USP9X: variants seen among roughly 807,000 people sequenced by gnomAD.
The protein encoded by USP9X is ubiquitin specific peptidase 9 X-linked, also known as ubiquitin carboxyl-terminal hydrolase 9X.
Under a neutral mutation model 190.3 loss-of-function variants are expected in USP9X, and 7 were observed. The ratio of observed to expected loss-of-function variants is 0.04; its 90% confidence interval spans 0.02 to 0.07. The LOEUF (loss-of-function observed/expected upper bound fraction) is 0.07, where lower values mean the gene tolerates loss of function less well. Ranked by LOEUF, USP9X falls within the 10% of genes least tolerant of loss-of-function variation. The pLI, the probability that USP9X is intolerant of heterozygous loss-of-function variation, is 1.00. For synonymous variants in USP9X, 645 were observed against 659.5 expected, an observed-to-expected ratio of 0.98 and a Z score of 0.34; for missense variants, 1,010 against 1,916.9, an observed-to-expected ratio of 0.53 and a Z score of 8.83.
At chrX:41,167,603 TC>T (rs771191711) in intron 17 of USP9X, 26 bp downstream of exon 17, 3 of 1,069,474 alleles carry the variant, frequency 2.8e-6, no homozygotes, top group Admixed American at 2.6e-5. Context: ...CATTAAAACT[TC>T]CATATATAAT....
intron 1 of USP9X, among the ~76,000 whole-genome samples, chrX:41,089,143 G>A (rs2061934380): frequency 8.9e-6 from 1 of 112,281 alleles, no homozygotes; most frequent in African/African-American, 3.2e-5. Context: ...CTTTCAAGTG[G>A]ATAAATAAGA....
intron 43 of USP9X, 135 bp downstream of exon 43, chrX:41,229,914 T>C: frequency 9.3e-7 from 1 of 1,080,644 alleles, no homozygotes; most frequent in Admixed American, 2.9e-5. Flanking sequence ...GAAAAATGTT[T>C]ATTCGGCTGG....
chrX:41,232,219 T>TTTTTTTG (rs1555937299), intron 44 of USP9X, among the ~76,000 whole-genome samples, 168 bp from the exon 45 acceptor site: 1 of 103,029 alleles, frequency 9.7e-6, no homozygotes, highest in Non-Finnish European at 2.0e-5. Flanking sequence ...TTTCAAGCCT[T>TTTTTTTG]TTTTTGTTTT....
chrX:41,221,974 C>G (rs1182709126), intron 38 of USP9X, among the ~76,000 whole-genome samples: 2 of 110,382 alleles, frequency 1.8e-5, no homozygotes, highest in Non-Finnish European at 3.8e-5. Context: ...AGAATGATGC[C>G]CAAAATTCTA....
intron 26 of USP9X, among the ~76,000 whole-genome samples, chrX:41,190,476 C>T (rs1002890107): frequency 9.0e-6 from 1 of 111,065 alleles, no homozygotes; most frequent in African/African-American, 3.3e-5. Flanking sequence ...TCGGGTTGGG[C>T]GTGCTACCTC....
At chrX:41,199,800 T>C (rs1384639499) in intron 30 of USP9X, among the ~76,000 whole-genome samples, 4 of 111,646 alleles carry the variant, frequency 3.6e-5, no homozygotes, top group Admixed American at 1.9e-4. Context: ...CGTAACGTTA[T>C]GAGTTCGAAG....
At chrX:41,108,755 C>T (rs2062087221) in intron 1 of USP9X, among the ~76,000 whole-genome samples, 1 of 111,699 alleles carries the variant, frequency 9.0e-6, no homozygotes, top group Non-Finnish European at 1.9e-5. Context: ...AGAGTGACAC[C>T]TCTGCTTCTT....
intron 32 of USP9X, among the ~76,000 whole-genome samples, chrX:41,208,688 A>G (rs905242269): frequency 3.7e-5 from 4 of 108,199 alleles, no homozygotes; most frequent in African/African-American, 1.4e-4. Context: ...TTTTTTTTTT[A>G]AGTTTTGTTT....
chrX:41,171,395 G>A lies in USP9X; in HGVS notation c.3028-443G>A, dbSNP rs116463359. Among the ~76,000 whole-genome samples, 838 of 112,079 alleles carry A rather than the reference G, an allele frequency of 7.5e-3. 4 individuals are homozygous for A. The highest frequency in any genetic ancestry group is 0.025 in the African/African-American group (769 of 30,856). ...AGGAAAATACCTGTAATCTTTATCA[G>A]ATTGTCAGTAACATATAGCCAAAGA... On this transcript the variant is annotated intron_variant, in intron 20 of 44. Transcript: ENST00000378308.
chrX:41,206,223 A>C (rs141754211), intron 32 of USP9X, among the ~76,000 whole-genome samples: 2,363 of 111,803 alleles, frequency 0.021, 61 homozygotes, highest in African/African-American at 0.071. Context: ...GTTTTGAAGC[A>C]AATCTTAGTT....
In USP9X at chrX:41,098,362, AC is replaced by A. The variant is rs1266951053; in HGVS notation, c.-159+12254del. 9.0e-5 allele frequency among the ~76,000 whole-genome samples: 10 copies of A among 110,732 alleles called. No homozygotes were observed. The Admixed American group carries it at 9.6e-4, about 11-fold the overall frequency. ...GCCATGTTGGCCAGGCTGGTCTCGA[AC>A]TGCTGACCTCAAGTGATCTGTCCAC... On this transcript the variant is annotated intron_variant, in intron 1 of 44. Transcript: ENST00000378308.
At chrX:41,115,286 A>C (rs1346074341) in intron 1 of USP9X, among the ~76,000 whole-genome samples, 1 of 110,464 alleles carries the variant, frequency 9.1e-6, no homozygotes, top group Non-Finnish European at 1.9e-5. Flanking sequence ...CTACTGGTGA[A>C]GGCTAAGTAT....
intron 21 of USP9X, among the ~76,000 whole-genome samples, chrX:41,173,868 T>C (rs764545911): frequency 8.9e-6 from 1 of 112,154 alleles, no homozygotes; most frequent in African/African-American, 3.2e-5. Context: ...TGTGTAAGCA[T>C]TGTATTAGGT....
intron 12 of USP9X, among the ~76,000 whole-genome samples, chrX:41,150,671 T>C (rs866245909): frequency 4.4e-4 from 49 of 111,867 alleles, no homozygotes; most frequent in South Asian, 1.5e-3. Context: ...TGTACAGATA[T>C]ATTTCAGTCC....
intron 15 of USP9X, among the ~76,000 whole-genome samples, chrX:41,165,139 G>C (rs759099054): frequency 4.8e-5 from 5 of 105,040 alleles, no homozygotes; most frequent in African/African-American, 1.7e-4. Flanking sequence ...TTTCAATGAT[G>C]CCATATAAGC....
intron 1 of USP9X, among the ~76,000 whole-genome samples, chrX:41,121,750 C>T (rs1337250118): frequency 9.0e-6 from 1 of 111,335 alleles, no homozygotes; most frequent in Non-Finnish European, 1.9e-5. Context: ...CTAGGCCTTA[C>T]TCCCAGATAC....
intron 11 of USP9X, among the ~76,000 whole-genome samples, 182 bp downstream of exon 11, chrX:41,144,808 G>GC (rs2062451133): frequency 3.6e-5 from 4 of 111,033 alleles, no homozygotes; most frequent in Non-Finnish European, 7.5e-5. Context: ...TTTCTTAATA[G>GC]CCCCCATAAT....
In USP9X at chrX:41,235,635, G is replaced by A. The variant is rs73203659; in HGVS notation, c.*3111G>A. ...CAACTTGTTAAACCATGTTGCTGCT[G>A]TTTCTAAGCCCTCCACCAACTGAAC... On this transcript the variant is annotated 3_prime_UTR_variant, in exon 45 of 45. Coordinates refer to ENST00000378308, the MANE Select transcript of USP9X (RefSeq NM_001039591.3). 0.023 allele frequency: 2,632 copies of A among 112,452 alleles called. 35 individuals carry two copies. Among genetic ancestry groups the A allele is most frequent in the Admixed American group, 0.038 (397 of 10,578 alleles). 9.3% of individuals were successfully genotyped at this position (112,452 alleles called of 1,213,427 possible).
At chrX:41,180,349 A>C (rs1369676904) in intron 21 of USP9X, among the ~76,000 whole-genome samples, 1 of 112,860 alleles carries the variant, frequency 8.9e-6, no homozygotes, top group African/African-American at 3.2e-5. Flanking sequence ...ACACAAACCC[A>C]CCACTGAATC....
Sources: allele counts gnomAD v4.1 joint callset (sites outside exome capture counted in the v4.1 genomes callset), GRCh38; gene constraint gnomAD v4.1.1; transcripts MANE v1.5; gene names NCBI Gene and HGNC (gene_info 2026-07-23, HGNC 2026-07-21).